The following C10orf67 variants were observed in gnomAD, a reference collection of about 807,000 sequenced individuals.
The protein encoded by C10orf67 is uncharacterized protein C10orf67, mitochondrial.
A neutral mutation model predicts 35.6 loss-of-function variants in C10orf67; 60 were observed. The observed-to-expected ratio is 1.68, with a 90% CI of 1.37 to 2.09. C10orf67 has a LOEUF of 2.09. Ranked by LOEUF, C10orf67 falls within the 30% of genes most tolerant of loss-of-function variation. The pLI is 0.00. For synonymous variants in C10orf67, 167 were observed against 115.8 expected (o/e 1.44, Z -2.84); for missense variants, 474 against 330.2 (o/e 1.44, Z -3.38).
At chr10:23,223,458 T>A (rs1159919752) in intron 15 of C10orf67, 140 bp downstream of exon 15, 1 of 647,970 alleles carries the variant, frequency 1.5e-6, no homozygotes, top group African/African-American at 1.8e-5. Flanking sequence ...ATCTGTGCAA[T>A]AATTTTATAA....
At chr10:23,270,920 T>C (rs1843000548) in intron 8 of C10orf67, among the ~76,000 whole-genome samples, 1 of 152,214 alleles carries the variant, frequency 6.6e-6, no homozygotes. Flanking sequence ...CAGGGTTATA[T>C]GTACAGAACT....
At chr10:23,321,558 G>C (rs1285062734) in intron 3 of C10orf67, among the ~76,000 whole-genome samples, 1 of 152,072 alleles carries the variant, frequency 6.6e-6, no homozygotes, top group African/African-American at 2.4e-5. Flanking sequence ...AAATATCATT[G>C]CTCCCTTTAA....
intron 7 of C10orf67, among the ~76,000 whole-genome samples, chr10:23,288,552 A>G (rs1189751189): frequency 2.6e-5 from 4 of 152,224 alleles, no homozygotes; most frequent in Admixed American, 2.0e-4. Context: ...TACCTATGTA[A>G]CAAACCTGCA....
At chr10:23,303,640 AT>A (rs1306041113) in intron 4 of C10orf67, among the ~76,000 whole-genome samples, 181 bp from the exon 5 acceptor site, 1 of 152,236 alleles carries the variant, frequency 6.6e-6, no homozygotes, top group Non-Finnish European at 1.5e-5. Context: ...AAGCAACTTT[AT>A]TTATATTGAA....
chr10:23,319,760 T>G (rs1187679411), intron 4 of C10orf67, among the ~76,000 whole-genome samples: 2 of 152,128 alleles, frequency 1.3e-5, no homozygotes, highest in Non-Finnish European at 2.9e-5. Flanking sequence ...AAGAACAACC[T>G]CCTCCAAAAT....
At position 23,303,477 on chromosome 10, in the gene C10orf67, C is replaced by A; in HGVS notation, c.547-18G>T. On this transcript the variant is annotated intron_variant, in intron 4 of 15. Transcript: ENST00000636213. ...AAGAATTGCTAGGGACAAAAAAAAGCAGCATTAAAAATTAGACACTAAGCA... is the reference window on the plus strand; with the variant it reads ...AAGAATTGCTAGGGACAAAAAAAAGAAGCATTAAAAATTAGACACTAAGCA... 1 of 505,492 alleles carries A rather than the reference C, an allele frequency of 2.0e-6. No homozygotes were observed. Among genetic ancestry groups the A allele is most frequent in the South Asian group, 3.7e-5 (1 of 27,046 alleles). The allele number at this position is 505,492 out of a possible 1,614,324, so 31.3% of individuals were successfully genotyped here.
rs143143874 is a variant in C10orf67, at chr10:23,270,477, C to T, written c.976-3223G>A. On this transcript the variant is annotated intron_variant, in intron 8 of 15. Coordinates refer to ENST00000636213, the MANE Select transcript of C10orf67 (RefSeq NM_001371909.1). ...TAGCTGCTCAGGCATACATGGAGAT[C>T]CAGCAGTTTTACATACTCTGGTCCT... is the stretch of plus-strand genomic sequence containing the variant. Among the ~76,000 whole-genome samples the T allele has an allele frequency of 1.7e-3, 261 of 152,320 alleles. 2 individuals carry two copies. Among genetic ancestry groups the T allele is most frequent in the Middle Eastern group, 0.014 (4 of 294 alleles).
chr10:23,310,159 A>G (rs1844442597), intron 4 of C10orf67, among the ~76,000 whole-genome samples: 1 of 152,206 alleles, frequency 6.6e-6, no homozygotes. Context: ...TTTCAGGAAG[A>G]CACCATGGCT....
chr10:23,263,471 C>A (rs1842804266), intron 10 of C10orf67, among the ~76,000 whole-genome samples: 1 of 152,076 alleles, frequency 6.6e-6, no homozygotes, highest in African/African-American at 2.4e-5. Context: ...TTTTATCTAA[C>A]ACTTCTTGAA....
At chr10:23,322,258 G>T in intron 3 of C10orf67, 136 bp downstream of exon 3, 1 of 759,024 alleles carries the variant, frequency 1.3e-6, no homozygotes, top group Non-Finnish European at 2.0e-6. Context: ...GAAGCTCTGT[G>T]TATTAATTAC....
At chr10:23,299,290 G>T (rs1843994360) in intron 5 of C10orf67, among the ~76,000 whole-genome samples, 1 of 152,154 alleles carries the variant, frequency 6.6e-6, no homozygotes, top group Non-Finnish European at 1.5e-5. Context: ...ATCTTTTGGA[G>T]TCCTTGTTGG....
At chr10:23,222,188 G>C (rs118058769) in intron 15 of C10orf67, among the ~76,000 whole-genome samples, 1,998 of 152,250 alleles carry the variant, frequency 0.013, 24 homozygotes, top group Middle Eastern at 0.092. Flanking sequence ...GCTTAGAAAA[G>C]GGAGTGACGG....
intron 15 of C10orf67, among the ~76,000 whole-genome samples, chr10:23,213,354 C>G (rs1402035456): frequency 1.3e-5 from 2 of 152,164 alleles, no homozygotes; most frequent in African/African-American, 4.8e-5. Flanking sequence ...CATGAATCAT[C>G]AGATCCAAAT....
intron 15 of C10orf67, among the ~76,000 whole-genome samples, chr10:23,223,397 T>C (rs1327409692): frequency 6.6e-6 from 1 of 152,190 alleles, no homozygotes; most frequent in Non-Finnish European, 1.5e-5. Context: ...GATTTTCAAT[T>C]AGCAGTGATC....
At position 23,246,287 on chromosome 10, in the gene C10orf67, C is replaced by T. The variant is rs538424737; in HGVS notation, c.1346+4168G>A. Among the ~76,000 whole-genome samples the T allele has an allele frequency of 3.3e-5, 5 of 152,188 alleles. No homozygotes were observed. In the East Asian group the frequency reaches 9.7e-4, roughly 29 times the overall value. ...CCTGGGTGACAAAATTATCTGTACA[C>T]CAAACCCCTAAGACATGCAAGTTAC... On this transcript the variant is annotated intron_variant, in intron 12 of 15. Coordinates refer to ENST00000636213, the MANE Select transcript of C10orf67 (RefSeq NM_001371909.1).
intron 1 of C10orf67, among the ~76,000 whole-genome samples, chr10:23,335,183 G>A (rs1845631174): frequency 7.0e-6 from 1 of 142,672 alleles, no homozygotes; most frequent in African/African-American, 2.6e-5. Context: ...GCAAGATTCT[G>A]TCTCAAAAAA....
At chr10:23,250,721 AT>A (rs1439912751) in intron 10 of C10orf67, 30 bp from the exon 11 acceptor site, 8 of 398,346 alleles carry the variant, frequency 2.0e-5, no homozygotes, top group Admixed American at 1.3e-4. Flanking sequence ...CACAAAGTTA[AT>A]TACACAAACA....
chr10:23,265,323 G>T (rs959844109), intron 10 of C10orf67, among the ~76,000 whole-genome samples: 1 of 152,166 alleles, frequency 6.6e-6, no homozygotes, highest in Admixed American at 6.5e-5. Context: ...GGATGCACAC[G>T]GTGTGCACAA....
intron 2 of C10orf67, among the ~76,000 whole-genome samples, chr10:23,325,768 C>T (rs1033555217): frequency 2.7e-5 from 4 of 150,350 alleles, no homozygotes; most frequent in Non-Finnish European, 5.9e-5. Context: ...GTCAGAATTG[C>T]CAAAGATGTT....
Sources: gnomAD v4.1 joint callset for allele counts (sites outside exome capture counted in the v4.1 genomes callset) on GRCh38, gnomAD v4.1.1 for gene constraint, MANE v1.5 for transcripts, NCBI Gene and HGNC (gene_info 2026-07-23, HGNC 2026-07-21) for gene names.